Variants in CFAP65 observed in about 807,000 individuals in gnomAD.
The protein encoded by CFAP65 is cilia- and flagella-associated protein 65.
Under a neutral mutation model 208.0 loss-of-function variants are expected in CFAP65, and 155 were observed. The observed-to-expected ratio is 0.75, with a 90% CI of 0.65 to 0.85. The LOEUF is 0.85. Ranked by LOEUF, CFAP65 falls within the 40% of genes least tolerant of loss-of-function variation. The probability of loss-of-function intolerance (pLI) is 0.00; values close to 1 mark genes in which losing one functional copy is unlikely to be tolerated. For missense variants in CFAP65, 2,294 were observed against 2,451.3 expected, an observed-to-expected ratio of 0.94 and a Z score of 1.36; for synonymous variants, 970 against 986.3, an observed-to-expected ratio of 0.98 and a Z score of 0.31.
At position 219,010,798 on chromosome 2, in the gene CFAP65, T is replaced by A; in HGVS notation, c.4149+7A>T. ...CCACCTCCCACGTCATCCAGGTTGCTGCTCACCGTGTAGGTCTTGGCCTCG... is the reference window on the plus strand; with the variant it reads ...CCACCTCCCACGTCATCCAGGTTGCAGCTCACCGTGTAGGTCTTGGCCTCG... On this transcript the variant is annotated splice_region_variant and intron_variant, in intron 25 of 34. Transcript: ENST00000341552. 1 of 1,598,592 alleles carries A rather than the reference T, an allele frequency of 6.3e-7. No individual in the cohort carries two copies. Among genetic ancestry groups the A allele is most frequent in the Non-Finnish European group, 8.6e-7 (1 of 1,168,742 alleles).
intron 21 of CFAP65, among the ~76,000 whole-genome samples, chr2:219,017,503 T>G (rs530056946): frequency 1.3e-5 from 2 of 152,354 alleles, no homozygotes; most frequent in South Asian, 4.1e-4. Flanking sequence ...AAAAATAGCC[T>G]TCTAAGAAAT....
At chr2:219,021,436 G>A (rs2106171372) in intron 18 of CFAP65, among the ~76,000 whole-genome samples, 156 bp from the exon 19 acceptor site, 1 of 152,284 alleles carries the variant, frequency 6.6e-6, no homozygotes, top group Middle Eastern at 3.4e-3. Flanking sequence ...CTGGGTCAGA[G>A]GGACCACACC....
chr2:219,009,484 C>T (rs1465604678), intron 27 of CFAP65, 24 bp from the exon 28 acceptor site: 1 of 1,517,870 alleles, frequency 6.6e-7, no homozygotes, highest in Non-Finnish European at 9.1e-7. Flanking sequence ...GAAGGAGTCT[C>T]TGGAGATTCA....
chr2:219,010,489 C>G, intron 26 of CFAP65, 57 bp downstream of exon 26: 1 of 1,564,230 alleles, frequency 6.4e-7, no homozygotes, highest in South Asian at 1.2e-5. Flanking sequence ...TCTGGCCACC[C>G]TGGGCTCTGA....
intron 13 of CFAP65, chr2:219,027,303 C>T: frequency 2.1e-6 from 3 of 1,430,852 alleles, no homozygotes; most frequent in Non-Finnish European, 9.1e-7. Context: ...TTTAGAGTGA[C>T]CACTTCTTAA....
At position 219,009,098 on chromosome 2, in the gene CFAP65, G is replaced by A. The variant is rs149741043; in HGVS notation, c.4623C>T (p.Asp1541=). The A allele has an allele frequency of 1.0e-4, 162 of 1,612,858 alleles. 2 individuals carry two copies. The highest frequency in any genetic ancestry group is 1.8e-4 in the South Asian group (16 of 91,086). ...ACTCCACTTCCTGCCGCACCTTCTC[G>A]TCCTTCCACTCCTGCAGCTCCTTGT... The part of the protein sequence containing the change: ...QYHKELQEWK[D]EKVRQEVEFT... Residue 1541 remains aspartate, a synonymous_variant, in exon 29 of 35, where the codon GAC becomes GAT. Transcript: ENST00000341552.
chr2:219,031,575 C>A lies in CFAP65; in HGVS notation c.729G>T (p.Arg243Ser). The change falls in exon 7 of 35, where the codon AGG becomes AGT. Residue 243 changes from arginine (R) to serine (S), a missense_variant. By Grantham distance (110) the Arg-to-Ser change is moderately radical. Around this residue, in one of 2 missense-constraint regions of CFAP65, gnomAD observed 867 missense variants for 1,012.6 expected, o/e 0.86. Transcript: ENST00000341552. The surrounding 1 kb of genome is among the most constrained non-coding windows in gnomAD (Gnocchi z 5.2). Reference sequence around the variant, plus strand: ...GCAGGGATGGTGGGCGGCAGATCAGCCTGTGGCAGGGCAGGGTGGCCCGTA... The same window carrying A: ...GCAGGGATGGTGGGCGGCAGATCAGACTGTGGCAGGGCAGGGTGGCCCGTA... Reference protein sequence around the residue: ...VGLRATLPCHRLICRPPSLQL... With the variant: ...VGLRATLPCHSLICRPPSLQL... 2 of 1,614,226 alleles carry A rather than the reference C, an allele frequency of 1.2e-6. No homozygotes were observed. Among genetic ancestry groups the A allele is most frequent in the Non-Finnish European group, 1.7e-6 (2 of 1,180,032 alleles).
In CFAP65 at chr2:219,021,817, C is replaced by T. The variant is rs1267529647; in HGVS notation, c.3093G>A (p.Glu1031=). 3 of 1,613,814 alleles carry T rather than the reference C, an allele frequency of 1.9e-6. No individual in the cohort carries two copies. Among genetic ancestry groups the T allele is most frequent in the Admixed American group, 3.3e-5 (2 of 60,028 alleles). ...TGTCAACGGCCTCAGGGCTGCCCTG[C>T]TCCAGGTAGAGGCGGTAATAGAGGG... The part of the protein sequence containing the change: ...NCTLYYRLYL[E]QGSPEAVDNH... The change falls in exon 18 of 35, where the codon GAG becomes GAA. Residue 1031 remains glutamate (E), a synonymous_variant. Transcript: ENST00000341552.
chr2:219,033,558 A>G (rs1948180428), intron 5 of CFAP65: 1 of 152,208 alleles, frequency 6.6e-6, no homozygotes, highest in Admixed American at 6.5e-5. Flanking sequence ...AAAAGAAAGA[A>G]GAAATTAGAT....
At chr2:219,018,863 G>A (rs1481442260) in intron 21 of CFAP65, 188 bp downstream of exon 21, 2 of 718,426 alleles carry the variant, frequency 2.8e-6, no homozygotes, top group East Asian at 2.5e-5. Context: ...GTCTCAGCCG[G>A]TGACAGGCCC....
intron 9 of CFAP65, 63 bp from the exon 10 acceptor site, chr2:219,030,271 A>G: frequency 2.6e-6 from 4 of 1,531,208 alleles, no homozygotes; most frequent in Non-Finnish European, 3.6e-6. Context: ...ATGATGGGAC[A>G]GTCTACGCAT....
chr2:219,006,776 G>A (rs1946030007), intron 29 of CFAP65, among the ~76,000 whole-genome samples: 1 of 150,660 alleles, frequency 6.6e-6, no homozygotes, highest in Admixed American at 6.6e-5. Context: ...GGAGGTTGCA[G>A]TGAGCCAAGA....
chr2:219,036,931 C>T (rs1467668171), intron 4 of CFAP65, among the ~76,000 whole-genome samples: 2 of 152,146 alleles, frequency 1.3e-5, no homozygotes, highest in Non-Finnish European at 2.9e-5. Flanking sequence ...TTCTCAGTTT[C>T]AATATTTACT....
At position 219,022,917 on chromosome 2, in the gene CFAP65, TG is replaced by T. The variant is rs143293569; in HGVS notation, c.2820+289del. 6.7e-3 allele frequency among the ~76,000 whole-genome samples: 1,024 copies of T among 152,232 alleles called. 16 individuals carry two copies. The highest frequency in any genetic ancestry group is 0.023 in the African/African-American group (974 of 41,538). On this transcript the variant is annotated intron_variant, in intron 16 of 34. Coordinates refer to ENST00000341552, the MANE Select transcript of CFAP65 (RefSeq NM_194302.4). ...ACCTCCCAGCTTTGGGGACCATGGA[TG>T]GGGAGGTGACATGCCTCTCAGGCCT...
In CFAP65 at chr2:219,027,828, T is replaced by C; in HGVS notation, c.2033A>G (p.Asn678Ser). ...CACCATGATCTTGCCCTTGGTGTGG[T>C]TCATCAGGCACAGGGGTACAGGGTT... ...APNPVPLCLM[N>S]HTKGKIMVVW... The change falls in exon 13 of 35, where the codon AAC (asparagine) becomes AGC (serine). Residue 678 changes from asparagine (N) to serine (S), a missense_variant. This residue lies in a region of CFAP65 where 867 missense variants were observed against 1,012.6 expected (regional missense o/e 0.86). Coordinates refer to ENST00000341552, the MANE Select transcript of CFAP65 (RefSeq NM_194302.4). 3 of 1,604,770 alleles carry C rather than the reference T, an allele frequency of 1.9e-6. No homozygotes were observed. The highest frequency in any genetic ancestry group is 1.7e-6 in the Non-Finnish European group (2 of 1,174,110).
intron 19 of CFAP65, among the ~76,000 whole-genome samples, chr2:219,020,064 T>A (rs1489134758): frequency 6.6e-6 from 1 of 151,452 alleles, no homozygotes; most frequent in East Asian, 1.9e-4. Flanking sequence ...TTTTTTTGTA[T>A]ATTCACAGAG....
In CFAP65 at chr2:219,014,129, G is replaced by A. The variant is rs1946678891; in HGVS notation, c.3603-85C>T. 5.5e-6 allele frequency: 7 copies of A among 1,270,248 alleles called. No individual in the cohort carries two copies. In the South Asian group the frequency reaches 7.9e-5, roughly 14 times the overall value. 78.7% of individuals were successfully genotyped at this position (1,270,248 alleles called of 1,614,324 possible). ...GCTCTGAGACCCTGATGGGCAGGTG[G>A]AGGCTTCTTCCATGACTCCCGCACT... On this transcript the variant is annotated intron_variant, in intron 21 of 34. Coordinates refer to ENST00000341552, the MANE Select transcript of CFAP65 (RefSeq NM_194302.4).
At position 219,003,967 on chromosome 2, in the gene CFAP65, T is replaced by G. The variant is rs777103237; in HGVS notation, c.5540A>C (p.Lys1847Thr). ...MVKEEQEQDE[K>T]EAIRRLPAFA... Reference sequence around the variant, plus strand: ...GGCTGCTCACCTTCTGATGGCCTCCTTCTCGTCCTGTTCTTGCTCCTCCTT... The same window carrying G: ...GGCTGCTCACCTTCTGATGGCCTCCGTCTCGTCCTGTTCTTGCTCCTCCTT... Residue 1847 changes from lysine (K) to threonine (T), a missense_variant, in exon 33 of 35, where the codon AAG becomes ACG. Lys to Thr is a moderately conservative substitution (Grantham distance 78). Around this residue, in one of 2 missense-constraint regions of CFAP65, gnomAD observed 1,427 missense variants for 1,438.7 expected, o/e 0.99. Coordinates refer to ENST00000341552, the MANE Select transcript of CFAP65 (RefSeq NM_194302.4). This position sits in a 1 kb window ranked among gnomAD's most constrained non-coding sequence, Gnocchi z 4.4. 3 of 1,612,896 alleles carry G rather than the reference T, an allele frequency of 1.9e-6. No homozygotes were observed. In the Admixed American group the frequency reaches 5.0e-5, roughly 27 times the overall value.
chr2:219,031,050 G>A lies in CFAP65; in HGVS notation c.1015+56C>T. ...GAGGTGGGGGACACTGAGGCCTGGA[G>A]GACCCAGAAGGTGCAGGAGGGGCCA... On this transcript the variant is annotated intron_variant, in intron 8 of 34. Transcript: ENST00000341552. This position sits in a 1 kb window ranked among gnomAD's most constrained non-coding sequence, Gnocchi z 5.2. 2.0e-6 allele frequency: 3 copies of A among 1,529,716 alleles called. No individual in the cohort carries two copies. In the African/African-American group the frequency reaches 4.1e-5, roughly 21 times the overall value. The allele number at this position is 1,529,716 out of a possible 1,614,324, so 94.8% of individuals were successfully genotyped here.
Sources: gnomAD v4.1 joint callset for allele counts (sites outside exome capture counted in the v4.1 genomes callset) on GRCh38, gnomAD v4.1.1 for gene constraint, gnomAD v4.1.1 regional missense constraint, Gnocchi (gnomAD v3.1) non-coding constraint, MANE v1.5 for transcripts, NCBI Gene and HGNC (gene_info 2026-07-23, HGNC 2026-07-21) for gene names.